Variants in ZNF76 observed in about 807,000 individuals in gnomAD.
The protein encoded by ZNF76 is zinc finger protein 76, also known as zinc finger protein 523.
A neutral mutation model predicts 66.9 loss-of-function variants in ZNF76; 66 were observed. The ratio of observed to expected loss-of-function variants is 0.99; its 90% CI spans 0.81 to 1.21. ZNF76 has a LOEUF of 1.21. ZNF76 is among the 50% of genes most tolerant of loss of function. The pLI is 0.00. For synonymous variants in ZNF76, 275 were observed against 296.1 expected, an observed-to-expected ratio of 0.93 and a Z score of 0.73; for missense variants, 729 against 760.3, an observed-to-expected ratio of 0.96 and a Z score of 0.48.
rs927413454 is a variant in ZNF76 at position 35,295,767 on chromosome 6, G to A, written c.*519G>A. 6.1e-5 allele frequency: 12 copies of A among 197,356 alleles called. No individual in the cohort carries two copies. Among genetic ancestry groups the A allele is most frequent in the Non-Finnish European group, 9.7e-5 (9 of 92,698 alleles). The allele number at this position is 197,356 out of a possible 1,614,324, so 12.2% of individuals were successfully genotyped here. Reference sequence around the variant, plus strand: ...ACCACAGTCAATTAATTCCTCAGGGGCCTGTGGCTGAAGAAAAGGTGCCCA... The same window carrying A: ...ACCACAGTCAATTAATTCCTCAGGGACCTGTGGCTGAAGAAAAGGTGCCCA... On this transcript the variant is annotated 3_prime_UTR_variant, in exon 14 of 14. Transcript: ENST00000373953.
In ZNF76 at chr6:35,292,960, T is replaced by C; in HGVS notation, c.1245T>C (p.Asp415=). The change falls in exon 11 of 14, where the codon GAT becomes GAC. Residue 415 remains aspartate (D), a synonymous_variant. Transcript: ENST00000373953. The surrounding 1 kb of genome is among the most constrained non-coding windows in gnomAD (Gnocchi z 4.7). ...AYLSEVKEER[D]DIPAQVAMVT... is the part of the protein sequence containing the mutation. ...TTTCGGAGGTGAAGGAAGAGAGAGATGACATCCCAGCCCAGGTGGCGATGG... is the reference window on the plus strand; with the variant it reads ...TTTCGGAGGTGAAGGAAGAGAGAGACGACATCCCAGCCCAGGTGGCGATGG... The C allele has an allele frequency of 6.2e-7, 1 of 1,614,152 alleles. No individual in the cohort carries two copies. Among genetic ancestry groups the C allele is most frequent in the Non-Finnish European group, 8.5e-7 (1 of 1,180,024 alleles).
chr6:35,281,339 A>G, intron 2 of ZNF76, 115 bp downstream of exon 2: 1 of 908,500 alleles, frequency 1.1e-6, no homozygotes, highest in South Asian at 1.4e-5. Flanking sequence ...ACCCTTGCCC[A>G]CCACCACAAT....
rs1790467181 is a variant in ZNF76, at chr6:35,292,008, C to T, written c.931+271C>T. On this transcript the variant is annotated intron_variant, in intron 9 of 13. Coordinates refer to ENST00000373953, the MANE Select transcript of ZNF76 (RefSeq NM_003427.5). This position sits in a 1 kb window ranked among gnomAD's most constrained non-coding sequence, Gnocchi z 4.7. ...CCCCTCTACACCCACCCTGAGTTCT[C>T]CAACTCTGACTGAACTCTTGAAAAG... The T allele has an allele frequency of 7.4e-6, 4 of 542,158 alleles. No homozygotes were observed. Among genetic ancestry groups the T allele is most frequent in the African/African-American group, 5.7e-5 (3 of 52,762 alleles). 33.6% of individuals were successfully genotyped at this position (542,158 alleles called of 1,614,324 possible).
chr6:35,292,413 C>T lies in ZNF76; in HGVS notation c.932-141C>T. On this transcript the variant is annotated intron_variant, in intron 9 of 13. Coordinates refer to ENST00000373953, the MANE Select transcript of ZNF76 (RefSeq NM_003427.5). The surrounding 1 kb of genome is among the most constrained non-coding windows in gnomAD (Gnocchi z 4.7). Reference sequence around the variant, plus strand: ...GTTCCACTGGCCATCTTCCCCAACCCTGTCCATTCAGAGTCTCAGGTCTCA... The same window carrying T: ...GTTCCACTGGCCATCTTCCCCAACCTTGTCCATTCAGAGTCTCAGGTCTCA... The T allele has an allele frequency of 1.2e-6, 1 of 810,372 alleles. No homozygotes were observed. The highest frequency in any genetic ancestry group is 2.0e-6 in the Non-Finnish European group (1 of 490,090). 50.2% of individuals were successfully genotyped at this position (810,372 alleles called of 1,614,324 possible). A position where few individuals can be genotyped will look rare whatever the true frequency, so the allele number is the denominator to read the frequency against.
chr6:35,282,415 T>A (rs1788910889), intron 2 of ZNF76, among the ~76,000 whole-genome samples: 1 of 151,342 alleles, frequency 6.6e-6, no homozygotes, highest in African/African-American at 2.4e-5. Context: ...TACCTGGGCA[T>A]CCTGTATTTT....
chr6:35,276,531 C>A (rs1454571054), intron 1 of ZNF76, among the ~76,000 whole-genome samples: 3 of 152,186 alleles, frequency 2.0e-5, no homozygotes, highest in Non-Finnish European at 4.4e-5. Flanking sequence ...ACATCTGAGG[C>A]TCAGAGAGCC....
intron 4 of ZNF76, 31 bp downstream of exon 4, chr6:35,286,430 G>A (rs743965): frequency 0.033 from 53,538 of 1,604,142 alleles, 3,132 homozygotes; most frequent in African/African-American, 0.26. Flanking sequence ...ACTCGGGGAA[G>A]GATGGGAGGC....
chr6:35,289,147 C>T (rs1040938832), intron 5 of ZNF76, among the ~76,000 whole-genome samples: 15 of 152,044 alleles, frequency 9.9e-5, no homozygotes, highest in Non-Finnish European at 1.9e-4. Context: ...GGGTGAGTCC[C>T]TCCTCTCCTC....
At chr6:35,261,415 C>T (rs1301264281) in intron 1 of ZNF76, among the ~76,000 whole-genome samples, 1 of 152,226 alleles carries the variant, frequency 6.6e-6, no homozygotes, top group Non-Finnish European at 1.5e-5. Context: ...TGAATACCTA[C>T]TGTGTGCCAA....
chr6:35,260,002 G>C (rs1446936134), intron 1 of ZNF76, among the ~76,000 whole-genome samples, 161 bp downstream of exon 1: 1 of 150,954 alleles, frequency 6.6e-6, no homozygotes, highest in Non-Finnish European at 1.5e-5. Flanking sequence ...CCCCACCCAG[G>C]GTCCCTGCCC....
Position 35,293,804 on chromosome 6 carries a change from C to T in ZNF76, c.1383C>T (p.Val461=). Residue 461 remains valine (V), a synonymous_variant, in exon 12 of 14, where the codon GTC becomes GTT. Coordinates refer to ENST00000373953, the MANE Select transcript of ZNF76 (RefSeq NM_003427.5). ...CCCTGGGGAGTGCCATCAGTATGGT[C>T]ACCCAGCACGGCAGCACCACCCTCA... is the stretch of plus-strand genomic sequence containing the variant. ...LQALGSAISM[V]TQHGSTTLTI... is the part of the protein sequence containing the mutation. 2 of 1,614,124 alleles carry T rather than the reference C, an allele frequency of 1.2e-6. No homozygotes were observed. Among genetic ancestry groups the T allele is most frequent in the Non-Finnish European group, 1.7e-6 (2 of 1,180,026 alleles).
At chr6:35,268,525 C>T (rs183340142) in intron 1 of ZNF76, among the ~76,000 whole-genome samples, 11 of 152,188 alleles carry the variant, frequency 7.2e-5, no homozygotes, top group East Asian at 1.9e-4. Context: ...GAAACCTGGC[C>T]GGGTGTAGTG....
intron 1 of ZNF76, among the ~76,000 whole-genome samples, chr6:35,267,031 C>A (rs1489908950): frequency 2.0e-5 from 3 of 151,956 alleles, no homozygotes; most frequent in Non-Finnish European, 4.4e-5. Context: ...TATCTCCTGA[C>A]TTTGTGATCC....
At chr6:35,264,079 T>C (rs546586542) in intron 1 of ZNF76, among the ~76,000 whole-genome samples, 2 of 152,226 alleles carry the variant, frequency 1.3e-5, no homozygotes, top group Non-Finnish European at 2.9e-5. Context: ...TCTTCATCTC[T>C]TCCCTCACAT....
Position 35,292,832 on chromosome 6 carries a change from T to TC in ZNF76, c.1166-45dup, listed in dbSNP as rs770872818. ...GGTGAGAGTGGGGACAAGCCAGGCC[T>TC]CCCCATGGCATCTGGTAGCAGATGT... is the stretch of plus-strand genomic sequence containing the variant. On this transcript the variant is annotated intron_variant, in intron 10 of 13. Transcript: ENST00000373953. This position sits in a 1 kb window ranked among gnomAD's most constrained non-coding sequence, Gnocchi z 4.7. 43 of 1,613,556 alleles carry TC rather than the reference T, an allele frequency of 2.7e-5. No individual in the cohort carries two copies. The highest frequency in any genetic ancestry group is 3.5e-5 in the Non-Finnish European group (41 of 1,179,646).
In ZNF76 at chr6:35,292,660, C is replaced by T. The variant is rs1345456720; in HGVS notation, c.1038C>T (p.Thr346=). The change falls in exon 10 of 14, where the codon ACC becomes ACT. Residue 346 remains threonine (T), a synonymous_variant. Transcript: ENST00000373953. The surrounding 1 kb of genome is among the most constrained non-coding windows in gnomAD (Gnocchi z 4.7). ...TGCACACACACTGCAAGCCCTACACCTGCAGCACCTGCGGCAAGACCTACC... is the reference window on the plus strand; with the variant it reads ...TGCACACACACTGCAAGCCCTACACTTGCAGCACCTGCGGCAAGACCTACC... ...HVVHTHCKPY[T]CSTCGKTYRQ... is the part of the protein sequence containing the mutation. 1.2e-6 allele frequency: 2 copies of T among 1,614,056 alleles called. No homozygotes were observed. Among genetic ancestry groups the T allele is most frequent in the Admixed American group, 3.3e-5 (2 of 60,004 alleles).
In ZNF76 at chr6:35,291,519, CT is replaced by C. The variant is rs764642975; in HGVS notation, c.752-36del. The C allele has an allele frequency of 2.1e-5, 34 of 1,606,928 alleles. No individual in the cohort carries two copies. In the African/African-American group the frequency reaches 3.9e-4, roughly 18 times the overall value. On this transcript the variant is annotated intron_variant, in intron 8 of 13. Coordinates refer to ENST00000373953, the MANE Select transcript of ZNF76 (RefSeq NM_003427.5). ...CCCCAGCTTGCTCCAGCATGGCCCT[CT>C]TTCCCACACCCCTCCTCACATCCCA...
Position 35,295,297 on chromosome 6 carries a change from A to T in ZNF76, c.*49A>T. 1 of 1,487,378 alleles carries T rather than the reference A, an allele frequency of 6.7e-7. No homozygotes were observed. The highest frequency in any genetic ancestry group is 1.2e-5 in the South Asian group (1 of 83,368). 92.1% of individuals were successfully genotyped at this position (1,487,378 alleles called of 1,614,324 possible). On this transcript the variant is annotated 3_prime_UTR_variant, in exon 14 of 14. Coordinates refer to ENST00000373953, the MANE Select transcript of ZNF76 (RefSeq NM_003427.5). ...CCATGCTGGAGGAAGTGCCATCTGC[A>T]TGGCCACTCTTGCCCCCAAGGGCCC... is the stretch of plus-strand genomic sequence containing the variant.
intron 4 of ZNF76, 140 bp downstream of exon 4, chr6:35,286,539 C>A: frequency 1.3e-6 from 1 of 798,350 alleles, no homozygotes. Context: ...ACATGCTCAC[C>A]TGGATTAGCA....
Sources: gnomAD v4.1 joint callset for allele counts (sites outside exome capture counted in the v4.1 genomes callset) on GRCh38, gnomAD v4.1.1 for gene constraint, Gnocchi (gnomAD v3.1) non-coding constraint, MANE v1.5 for transcripts, NCBI Gene and HGNC (gene_info 2026-07-23, HGNC 2026-07-21) for gene names.